SPECC1: variants seen among roughly 807,000 people sequenced by gnomAD.
SPECC1 encodes sperm antigen with calponin homology and coiled-coil domains 1, also known as cytospin-B.
In SPECC1, 62 loss-of-function variants were observed where a neutral mutation model predicts 104.1. The observed-to-expected ratio is 0.60, with a 90% CI of 0.49 to 0.74. The LOEUF is 0.74. SPECC1 is among the 30% of genes least tolerant of loss of function. The pLI is 0.00. For missense variants in SPECC1, 1,306 were observed against 1,310.5 expected (o/e 1.00, Z 0.05); for synonymous variants, 513 against 501.6 (o/e 1.02, Z -0.30).
chr17:20,219,867 G>T (rs1021354199), intron 4 of SPECC1, among the ~76,000 whole-genome samples: 13 of 151,812 alleles, frequency 8.6e-5, no homozygotes, highest in Non-Finnish European at 1.8e-4. Flanking sequence ...TATATGGGGG[G>T]GGTGTCTAGT....
chr17:20,112,580 A>G (rs2048546708), intron 3 of SPECC1: 5 of 835,514 alleles, frequency 6.0e-6, no homozygotes, highest in East Asian at 2.4e-5. Context: ...TGCACATGCA[A>G]ATCTTTGCTG....
At chr17:20,042,385 A>G (rs2045366418) in intron 1 of SPECC1, among the ~76,000 whole-genome samples, 1 of 152,060 alleles carries the variant, frequency 6.6e-6, no homozygotes, top group African/African-American at 2.4e-5. Context: ...TGGCCTCATT[A>G]TCTCTGGGAA....
At chr17:20,302,878 T>TAAA (rs35060925) in intron 13 of SPECC1, among the ~76,000 whole-genome samples, 1,968 of 61,768 alleles carry the variant, frequency 0.032, 38 homozygotes, top group African/African-American at 0.047. Context: ...TGAGCCCATC[T>TAAA]AAAAAAAAAA....
intron 13 of SPECC1, among the ~76,000 whole-genome samples, chr17:20,300,540 T>G (rs989893167): frequency 6.6e-6 from 1 of 152,272 alleles, no homozygotes; most frequent in Non-Finnish European, 1.5e-5. Context: ...CCAGACAGAC[T>G]GGCTGCTTTG....
intron 3 of SPECC1, among the ~76,000 whole-genome samples, chr17:20,177,944 G>A (rs7211948): frequency 0.26 from 38,827 of 151,896 alleles, 6,343 homozygotes; most frequent in African/African-American, 0.47. Flanking sequence ...TCCTGACCTC[G>A]TGATCCGCCT....
chr17:20,056,325 T>C, intron 1 of SPECC1: 1 of 191,118 alleles, frequency 5.2e-6, no homozygotes, highest in East Asian at 1.3e-4. Flanking sequence ...TGGTGCGGCT[T>C]GGGAACCCGC....
intron 4 of SPECC1, among the ~76,000 whole-genome samples, chr17:20,226,843 TTGCA>T (rs2038239762): frequency 6.6e-6 from 1 of 152,188 alleles, no homozygotes; most frequent in South Asian, 2.1e-4. Context: ...TAAAGAAGCA[TTGCA>T]GCCCCAAGTA....
At chr17:20,156,263 C>A in intron 3 of SPECC1, 1 of 1,322,768 alleles carries the variant, frequency 7.6e-7, no homozygotes, top group Non-Finnish European at 9.7e-7. Context: ...GGGGTCGCGC[C>A]GCAGCCGCAA....
At chr17:20,307,256 T>C (rs1047627373) in intron 14 of SPECC1, among the ~76,000 whole-genome samples, 1 of 152,234 alleles carries the variant, frequency 6.6e-6, no homozygotes, top group African/African-American at 2.4e-5. Flanking sequence ...ACCATAAAAA[T>C]GTTAATTTTC....
chr17:20,087,795 C>T (rs1178260097), intron 1 of SPECC1, among the ~76,000 whole-genome samples: 1 of 152,120 alleles, frequency 6.6e-6, no homozygotes, highest in African/African-American at 2.4e-5. Flanking sequence ...GGCAGATAAT[C>T]GATGGCAGTG....
intron 3 of SPECC1, among the ~76,000 whole-genome samples, chr17:20,201,096 A>G (rs1247674077): frequency 1.3e-5 from 2 of 152,112 alleles, no homozygotes; most frequent in Non-Finnish European, 2.9e-5. Context: ...GTAGCTGGAA[A>G]TAACAGCAGA....
chr17:20,024,022 G>C (rs979268069), intron 1 of SPECC1, among the ~76,000 whole-genome samples: 1 of 152,178 alleles, frequency 6.6e-6, no homozygotes, highest in Non-Finnish European at 1.5e-5. Context: ...AATATTAAAA[G>C]AGCAATACAC....
chr17:20,272,800 A>G (rs1266216120), intron 12 of SPECC1, among the ~76,000 whole-genome samples: 4 of 152,194 alleles, frequency 2.6e-5, no homozygotes, highest in African/African-American at 7.2e-5. Context: ...TTATTCCCTG[A>G]AATTTTTTAT....
intron 5 of SPECC1, among the ~76,000 whole-genome samples, chr17:20,231,436 G>A (rs192070357): frequency 3.9e-5 from 6 of 152,254 alleles, no homozygotes; most frequent in East Asian, 3.9e-4. Context: ...GGCCGGACTC[G>A]GTATGCAAGT....
chr17:20,287,410 C>T (rs1055525951), intron 12 of SPECC1, among the ~76,000 whole-genome samples: 6 of 118,336 alleles, frequency 5.1e-5, no homozygotes, highest in African/African-American at 2.0e-4. Flanking sequence ...GGCGACAGAG[C>T]GAGACTCCGT....
chr17:20,133,174 T>C (rs994187827), intron 3 of SPECC1, among the ~76,000 whole-genome samples: 1 of 152,188 alleles, frequency 6.6e-6, no homozygotes, highest in Non-Finnish European at 1.5e-5. Context: ...GTTTGTCAAT[T>C]TTATAATTTT....
At chr17:20,251,380 C>T (rs755500787) in intron 9 of SPECC1, among the ~76,000 whole-genome samples, 1 of 152,226 alleles carries the variant, frequency 6.6e-6, no homozygotes, top group East Asian at 1.9e-4. Flanking sequence ...TATATATCTA[C>T]AGCAAACATC....
rs1318815618 is a variant in SPECC1, at chr17:20,281,411, A to G, written c.2941-15550A>G. 3.9e-5 allele frequency among the ~76,000 whole-genome samples: 6 copies of G among 152,290 alleles called. No homozygotes were observed. In the East Asian group the frequency reaches 9.7e-4, roughly 25 times the overall value. The stretch of plus-strand genomic sequence containing the variant: ...CCTGCCTCCTGCACACCCCAGGCTC[A>G]GGCTGTCCTGCCTGCCTGCACCACA... On this transcript the variant is annotated intron_variant, in intron 12 of 14. Transcript: ENST00000395527.
Position 20,110,407 on chromosome 17 carries a change from T to C in SPECC1, c.148-20T>C, listed in dbSNP as rs2048427540. 6.3e-7 allele frequency: 1 copy of C among 1,598,818 alleles called. No homozygotes were observed. Among genetic ancestry groups the C allele is most frequent in the South Asian group, 1.1e-5 (1 of 89,544 alleles). Reference sequence around the variant, plus strand: ...GAAAACCACCTCTTCATCCTCTCTCTTTCCTTCCAACTCTCTCAGCTCAAG... The same window carrying C: ...GAAAACCACCTCTTCATCCTCTCTCCTTCCTTCCAACTCTCTCAGCTCAAG... On this transcript the variant is annotated intron_variant, in intron 2 of 14. Transcript: ENST00000395527.
Sources: allele counts gnomAD v4.1 joint callset (sites outside exome capture counted in the v4.1 genomes callset), GRCh38; gene constraint gnomAD v4.1.1; transcripts MANE v1.5; gene names NCBI Gene and HGNC (gene_info 2026-07-23, HGNC 2026-07-21).